The following SMYD3 variants were observed in gnomAD, a reference collection of about 807,000 sequenced individuals.
The protein encoded by SMYD3 is SET and MYND domain containing 3.
SMYD3 carries 36 observed loss-of-function variants against 57.7 expected under a neutral mutation model. The observed-to-expected ratio is 0.62, with a 90% CI of 0.48 to 0.82. The LOEUF (loss-of-function observed/expected upper bound fraction) is 0.82. SMYD3 is among the 40% of genes least tolerant of loss of function. The probability of loss-of-function intolerance (pLI) is 0.00; values close to 1 mark genes in which losing one functional copy is unlikely to be tolerated. For synonymous variants in SMYD3, 211 were observed against 195.0 expected (o/e 1.08, Z -0.68); for missense variants, 515 against 538.8 (o/e 0.96, Z 0.44).
intron 5 of SMYD3, among the ~76,000 whole-genome samples, chr1:246,135,196 C>T (rs562685573): frequency 5.9e-5 from 9 of 152,196 alleles, no homozygotes; most frequent in Middle Eastern, 3.4e-3. Context: ...TGTTTCAAAT[C>T]CTTTCTAATA....
At chr1:245,833,073 A>AAAAAAAAAAAAAAAACAAACACAAC in intron 10 of SMYD3, among the ~76,000 whole-genome samples, 1 of 128,652 alleles carries the variant, frequency 7.8e-6, no homozygotes, top group Non-Finnish European at 1.6e-5. Context: ...AAAAAAAAAA[A>AAAAAAAAAAAAAAAACAAACACAAC]AACCTGCTTT....
intron 1 of SMYD3, among the ~76,000 whole-genome samples, chr1:246,456,109 T>C (rs990113007): frequency 2.6e-5 from 4 of 151,942 alleles, no homozygotes; most frequent in Non-Finnish European, 5.9e-5. Flanking sequence ...TACCACAATG[T>C]TGGTAATCCC....
Position 245,955,911 on chromosome 1 carries a change from G to A in SMYD3, c.532-25974C>T. On this transcript the variant is annotated intron_variant, in intron 5 of 11. Coordinates refer to ENST00000490107, the MANE Select transcript of SMYD3 (RefSeq NM_001167740.2). ...TTTTTGGCTCAACATTATATCCTAA[G>A]ATTCATTTATGTTGATGCATGTTGC... The A allele has an allele frequency of 6.2e-6, 6 of 968,438 alleles. No individual in the cohort carries two copies. The South Asian group carries it at 2.4e-4, about 39-fold the overall frequency. 60.0% of individuals were successfully genotyped at this position (968,438 alleles called of 1,614,324 possible).
chr1:246,301,385 T>A (rs2064889707), intron 5 of SMYD3, among the ~76,000 whole-genome samples: 3 of 150,552 alleles, frequency 2.0e-5, no homozygotes. Context: ...AGATGAGTGC[T>A]GGAAAAATTC....
chr1:245,764,984 C>G (rs952272958), intron 10 of SMYD3, among the ~76,000 whole-genome samples: 1 of 151,546 alleles, frequency 6.6e-6, no homozygotes, highest in Non-Finnish European at 1.5e-5. Flanking sequence ...CCCCCTACCC[C>G]TACTCTTAGA....
At position 246,378,664 on chromosome 1, in the gene SMYD3, C is replaced by CAT. The variant is rs1258810712; in HGVS notation, c.165-23572_165-23571dup. Reference sequence around the variant, plus strand: ...TCATATATATATATATACACACACACATATATATATACACATATATATACT... The same window carrying CAT: ...TCATATATATATATATACACACACACATATATATATATACACATATATATACT... On this transcript the variant is annotated intron_variant, in intron 1 of 11. Coordinates refer to ENST00000490107, the MANE Select transcript of SMYD3 (RefSeq NM_001167740.2). 2.1e-3 allele frequency among the ~76,000 whole-genome samples: 258 copies of CAT among 124,140 alleles called. 2 individuals are homozygous for CAT. Among genetic ancestry groups the CAT allele is most frequent in the African/African-American group, 7.4e-3 (236 of 31,964 alleles). 81.4% of individuals were successfully genotyped at this position (124,140 alleles called of 152,430 possible). A position where few individuals can be genotyped will look rare whatever the true frequency, so the allele number is the denominator to read the frequency against.
At chr1:245,973,512 T>C (rs2058351483) in intron 5 of SMYD3, among the ~76,000 whole-genome samples, 1 of 152,088 alleles carries the variant, frequency 6.6e-6, no homozygotes, top group South Asian at 2.1e-4. Flanking sequence ...AAAAATCAAA[T>C]GAAAATAAGT....
intron 5 of SMYD3, among the ~76,000 whole-genome samples, chr1:246,310,555 C>G (rs897982078): frequency 4.0e-5 from 6 of 151,872 alleles, no homozygotes; most frequent in African/African-American, 1.5e-4. Context: ...AGAAAAGGCA[C>G]CATGTTTAAA....
chr1:245,835,709 G>A (rs1303697971), intron 10 of SMYD3, among the ~76,000 whole-genome samples: 3 of 152,148 alleles, frequency 2.0e-5, no homozygotes, highest in Middle Eastern at 3.2e-3. Context: ...CAATCTGCAG[G>A]GGCAGGGGAC....
At chr1:246,493,242 A>T (rs751369880) in intron 1 of SMYD3, among the ~76,000 whole-genome samples, 20 of 151,784 alleles carry the variant, frequency 1.3e-4, no homozygotes, top group South Asian at 4.2e-4. Context: ...AGGTAGGAGG[A>T]TCACTTGAGG....
At chr1:246,120,593 G>A (rs538653436) in intron 5 of SMYD3, among the ~76,000 whole-genome samples, 1 of 152,236 alleles carries the variant, frequency 6.6e-6, no homozygotes, top group African/African-American at 2.4e-5. Context: ...GGGCTCTTGA[G>A]TTCAGGGAGT....
chr1:246,069,662 C>T (rs1347243215), intron 5 of SMYD3, among the ~76,000 whole-genome samples: 1 of 152,192 alleles, frequency 6.6e-6, no homozygotes, highest in Non-Finnish European at 1.5e-5. Flanking sequence ...AAGACATCAC[C>T]TCGAGCTTTT....
intron 10 of SMYD3, among the ~76,000 whole-genome samples, chr1:245,855,324 G>GC (rs1036682710): frequency 5.0e-5 from 2 of 39,882 alleles, no homozygotes; most frequent in Admixed American, 5.4e-4. Flanking sequence ...TTTAGGGGCT[G>GC]GGGGGGGAAT....
At chr1:246,010,265 CA>C (rs1221471371) in intron 5 of SMYD3, among the ~76,000 whole-genome samples, 1 of 151,940 alleles carries the variant, frequency 6.6e-6, no homozygotes, top group Non-Finnish European at 1.5e-5. Context: ...ACAATTCAAT[CA>C]CAGCAGGATA....
rs543433757 is a variant in SMYD3 at position 246,045,867 on chromosome 1, T to C, written c.532-115930A>G. 6.6e-4 allele frequency among the ~76,000 whole-genome samples: 100 copies of C among 152,198 alleles called. 2 individuals are homozygous for C. In the South Asian group the frequency reaches 0.02, roughly 31 times the overall value. On this transcript the variant is annotated intron_variant, in intron 5 of 11. Coordinates refer to ENST00000490107, the MANE Select transcript of SMYD3 (RefSeq NM_001167740.2). ...GACATTTATGCAGCCAACAGACACA[T>C]GAAAAAATGCTCATCACCACTGGCC...
intron 10 of SMYD3, among the ~76,000 whole-genome samples, chr1:245,833,327 G>T (rs10754474): frequency 6.6e-6 from 1 of 151,966 alleles, no homozygotes; most frequent in Non-Finnish European, 1.5e-5. Flanking sequence ...TCTCTTTTAT[G>T]TTCTGTTCTG....
intron 2 of SMYD3, among the ~76,000 whole-genome samples, chr1:246,338,985 T>C (rs1197252803): frequency 6.6e-6 from 1 of 152,216 alleles, no homozygotes; most frequent in African/African-American, 2.4e-5. Flanking sequence ...AACTTTCAAG[T>C]GTCCAACCAA....
intron 5 of SMYD3, among the ~76,000 whole-genome samples, chr1:246,223,328 TG>T (rs1283735480): frequency 6.6e-6 from 1 of 152,066 alleles, no homozygotes; most frequent in Non-Finnish European, 1.5e-5. Context: ...ATGAAGGGGA[TG>T]GTGGTAGGGG....
At chr1:246,094,403 A>G (rs1350271910) in intron 5 of SMYD3, among the ~76,000 whole-genome samples, 3 of 152,176 alleles carry the variant, frequency 2.0e-5, no homozygotes, top group African/African-American at 7.2e-5. Flanking sequence ...ACTTTCTTAA[A>G]CTTAGAAGAG....
Sources: allele counts gnomAD v4.1 joint callset (sites outside exome capture counted in the v4.1 genomes callset), GRCh38; gene constraint gnomAD v4.1.1; transcripts MANE v1.5; gene names NCBI Gene and HGNC (gene_info 2026-07-23, HGNC 2026-07-21).